The following RUNX1T1 variants were observed in gnomAD, a reference collection of about 807,000 sequenced individuals.
RUNX1T1 encodes RUNX1 partner transcriptional co-repressor 1.
In RUNX1T1, 4 loss-of-function variants were observed where a neutral mutation model predicts 62.8. That is an observed-to-expected ratio of 0.06 (90% CI 0.03 to 0.15). The LOEUF is 0.15. Ranked by LOEUF, RUNX1T1 falls within the 10% of genes least tolerant of loss-of-function variation. The pLI is 1.00. For missense variants in RUNX1T1, 508 were observed against 754.3 expected, an observed-to-expected ratio of 0.67 and a Z score of 3.82; for synonymous variants, 291 against 286.0, an observed-to-expected ratio of 1.02 and a Z score of -0.18.
chr8:92,000,136 T>C (rs1819483091), intron 5 of RUNX1T1, among the ~76,000 whole-genome samples: 1 of 151,914 alleles, frequency 6.6e-6, no homozygotes, highest in Non-Finnish European at 1.5e-5. Context: ...TGAAACCCCG[T>C]CTCTGGTAAA....
intron 1 of RUNX1T1, among the ~76,000 whole-genome samples, chr8:92,035,503 A>T (rs1410464086): frequency 6.6e-6 from 1 of 152,068 alleles, no homozygotes; most frequent in East Asian, 1.9e-4. Flanking sequence ...CATAAAAAAA[A>T]ATTTTAAAGG....
chr8:92,003,603 A>T (rs1820177312), intron 5 of RUNX1T1, among the ~76,000 whole-genome samples: 2 of 152,150 alleles, frequency 1.3e-5, no homozygotes, highest in African/African-American at 4.8e-5. Context: ...TCTCTCCTTC[A>T]TTCTTTTACC....
intron 1 of RUNX1T1, among the ~76,000 whole-genome samples, chr8:92,018,511 T>C (rs1823461971): frequency 6.6e-6 from 1 of 152,220 alleles, no homozygotes; most frequent in Admixed American, 6.5e-5. Context: ...GAGGCACCTC[T>C]TGCAGTTATA....
At chr8:92,076,212 T>C (rs1181361697) in intron 1 of RUNX1T1, 75 bp from the exon 2 acceptor site, 2 of 1,188,076 alleles carry the variant, frequency 1.7e-6, no homozygotes, top group African/African-American at 3.2e-5. Flanking sequence ...TCTGTTTACA[T>C]GATAACACTA....
chr8:92,010,984 C>T lies in RUNX1T1; in HGVS notation c.477+18G>A, dbSNP rs770973975. On this transcript the variant is annotated intron_variant, in intron 4 of 10. Transcript: ENST00000396218. ...ATATGGTTTAAAATACTTTACAGAC[C>T]AGTGAACTGTGCAATACCTTCAAAA... 1 of 1,381,282 alleles carries T rather than the reference C, an allele frequency of 7.2e-7. No homozygotes were observed. Among genetic ancestry groups the T allele is most frequent in the Non-Finnish European group, 1.0e-6 (1 of 967,918 alleles). The allele number at this position is 1,381,282 out of a possible 1,614,324, so 85.6% of individuals were successfully genotyped here. A position where few individuals can be genotyped will look rare whatever the true frequency, so the allele number is the denominator to read the frequency against.
intron 1 of RUNX1T1, among the ~76,000 whole-genome samples, chr8:92,041,201 C>T (rs1445777700): frequency 6.6e-6 from 1 of 151,438 alleles, no homozygotes; most frequent in Non-Finnish European, 1.5e-5. Context: ...TCCATTGTCC[C>T]ACAGCAAATG....
chr8:92,014,398 G>T (rs1822593464), intron 3 of RUNX1T1, among the ~76,000 whole-genome samples, 181 bp downstream of exon 4: 1 of 152,098 alleles, frequency 6.6e-6, no homozygotes, highest in Admixed American at 6.5e-5. Context: ...CTCTGGTGGG[G>T]TCAATATATA....
chr8:91,970,043 T>TGTTG (rs11374252), intron 10 of RUNX1T1, among the ~76,000 whole-genome samples: 1 of 142,714 alleles, frequency 7.0e-6, no homozygotes, highest in African/African-American at 2.7e-5. Context: ...TGTGTGTGTG[T>TGTTG]TGTGTGTGTG....
At chr8:91,986,044 A>AT in intron 8 of RUNX1T1, 80 bp downstream of exon 9, 1 of 985,080 alleles carries the variant, frequency 1.0e-6, no homozygotes, top group Middle Eastern at 2.2e-4. Context: ...ATATCCTTTA[A>AT]TTTTAAAAAT....
intron 2 of RUNX1T1, among the ~76,000 whole-genome samples, chr8:92,068,925 C>T (rs142224011): frequency 6.6e-6 from 1 of 152,202 alleles, no homozygotes; most frequent in Non-Finnish European, 1.5e-5. Flanking sequence ...TGATTATATT[C>T]ATTATTTTGG....
rs984390533 is a variant in RUNX1T1 at position 91,966,542 on chromosome 8, T to A, written c.1458+4116A>T. Among the ~76,000 whole-genome samples the A allele has an allele frequency of 7.9e-5, 12 of 152,190 alleles. No homozygotes were observed. In the East Asian group the frequency reaches 2.3e-3, roughly 29 times the overall value. On this transcript the variant is annotated intron_variant, in intron 10 of 10. Coordinates refer to ENST00000396218, the Ensembl canonical transcript of RUNX1T1. The stretch of plus-strand genomic sequence containing the variant: ...CACCTAAGCTAGTATAAGGTATGGA[T>A]CTCAAAGAAAGCTGTAGAAGTTTCC...
At chr8:92,062,694 T>A in exon 1 of RUNX1T1, 3 of 1,611,124 alleles carry the variant, frequency 1.9e-6, no homozygotes, top group Non-Finnish European at 1.7e-6. Flanking sequence ...GGAGGCAGGG[T>A]GCTGGGCGCG....
At chr8:92,013,207 A>G (rs183699809) in intron 3 of RUNX1T1, among the ~76,000 whole-genome samples, 3 of 152,358 alleles carry the variant, frequency 2.0e-5, no homozygotes, top group African/African-American at 7.2e-5. Context: ...AATGAATAAA[A>G]AGGAAAAGAT....
At chr8:92,015,711 C>A (rs1822855528) in intron 2 of RUNX1T1, among the ~76,000 whole-genome samples, 3 of 152,124 alleles carry the variant, frequency 2.0e-5, no homozygotes, top group Non-Finnish European at 4.4e-5. Flanking sequence ...GATAAGCAGA[C>A]CTTTATCAAA....
chr8:91,985,997 G>A, intron 8 of RUNX1T1, 127 bp downstream of exon 9: 1 of 739,078 alleles, frequency 1.4e-6, no homozygotes, highest in East Asian at 2.5e-5. Context: ...ACATATTGGA[G>A]GATATGTAAA....
intron 5 of RUNX1T1, among the ~76,000 whole-genome samples, chr8:91,992,279 C>G (rs1817833321): frequency 6.6e-6 from 1 of 152,174 alleles, no homozygotes; most frequent in Non-Finnish European, 1.5e-5. Context: ...TAAAACATCA[C>G]TACTCTCTTG....
downstream of RUNX1T1, chr8:91,955,745 A>C (rs1037863546): frequency 4.9e-5 from 11 of 225,254 alleles, no homozygotes; most frequent in Non-Finnish European, 7.1e-5. Flanking sequence ...GAACATTCAG[A>C]GGAAACAGGA....
intron 8 of RUNX1T1, among the ~76,000 whole-genome samples, chr8:91,980,825 T>A (rs1163921814): frequency 6.6e-6 from 1 of 151,980 alleles, no homozygotes; most frequent in East Asian, 1.9e-4. Flanking sequence ...GCATGCACCA[T>A]CATGCCCAGC....
intron 1 of RUNX1T1, among the ~76,000 whole-genome samples, chr8:92,032,132 A>G (rs985676891): frequency 2.5e-4 from 37 of 150,776 alleles, no homozygotes; most frequent in African/African-American, 9.0e-4. Context: ...TGACAAAACT[A>G]TAATGATTTC....
Sources: gnomAD v4.1 joint callset for allele counts (sites outside exome capture counted in the v4.1 genomes callset) on GRCh38, gnomAD v4.1.1 for gene constraint, MANE v1.5 for transcripts, NCBI Gene and HGNC (gene_info 2026-07-23, HGNC 2026-07-21) for gene names.